CLVS1: variants seen among roughly 807,000 people sequenced by gnomAD.
CLVS1 encodes clavesin 1, also known as clavesin-1.
Under a neutral mutation model 33.1 loss-of-function variants are expected in CLVS1, and 10 were observed. That is an observed-to-expected ratio of 0.30 (90% CI 0.19 to 0.51). The LOEUF is 0.51. CLVS1 is among the 20% of genes least tolerant of loss of function. The pLI is 0.97. For synonymous variants in CLVS1, 163 were observed against 166.1 expected (o/e 0.98, Z 0.14); for missense variants, 343 against 433.4 (o/e 0.79, Z 1.85).
At chr8:61,192,187 C>G (rs1007281466) in intron 2 of CLVS1, among the ~76,000 whole-genome samples, 6 of 152,164 alleles carry the variant, frequency 3.9e-5, no homozygotes, top group East Asian at 1.9e-4. Context: ...AGATATAGAC[C>G]AATGGAACAG....
At chr8:61,455,822 C>T (rs952294120) in intron 4 of CLVS1, among the ~76,000 whole-genome samples, 9 of 152,148 alleles carry the variant, frequency 5.9e-5, no homozygotes, top group Non-Finnish European at 1.3e-4. Flanking sequence ...TTCCCCGCCA[C>T]CTCCCACACT....
the CLVS1 span, among the ~76,000 whole-genome samples, chr8:61,048,187 A>G: frequency 6.6e-6 from 1 of 152,316 alleles, no homozygotes; most frequent in East Asian, 1.9e-4. Flanking sequence ...AAAGGTAACA[A>G]GGGCTCAGAT....
In CLVS1 at chr8:61,408,523, A is replaced by G. The variant is rs550358428; in HGVS notation, c.630+31744A>G. Among the ~76,000 whole-genome samples, 19 of 152,286 alleles carry G rather than the reference A, an allele frequency of 1.2e-4. No homozygotes were observed. The South Asian group carries it at 3.7e-3, about 30-fold the overall frequency. ...GACCTGGAAATCAACCCACCAGGCC[A>G]GGGGACTGGGTTTTGTGTGCCTCTA... On this transcript the variant is annotated intron_variant, in intron 3 of 5. Transcript: ENST00000325897.
intron 5 of CLVS1, among the ~76,000 whole-genome samples, chr8:61,498,372 A>G (rs186822091): frequency 2.8e-4 from 42 of 152,352 alleles, no homozygotes; most frequent in Admixed American, 2.4e-3. Context: ...GAAAACTTGT[A>G]ATGTGTAGGG....
At chr8:61,160,818 C>T (rs1047747527) in intron 2 of CLVS1, among the ~76,000 whole-genome samples, 1 of 152,158 alleles carries the variant, frequency 6.6e-6, no homozygotes, top group African/African-American at 2.4e-5. Context: ...AGGCCTCAAC[C>T]TTGCCCCTGT....
intron 2 of CLVS1, among the ~76,000 whole-genome samples, chr8:61,352,810 T>A (rs1465636109): frequency 6.6e-6 from 1 of 151,900 alleles, no homozygotes; most frequent in Non-Finnish European, 1.5e-5. Flanking sequence ...CAATAAAAAA[T>A]AATACAAATA....
intron 1 of CLVS1, among the ~76,000 whole-genome samples, chr8:61,072,020 T>C (rs1804805665): frequency 6.6e-6 from 1 of 152,134 alleles, no homozygotes; most frequent in Admixed American, 6.5e-5. Flanking sequence ...GGCATCTGAG[T>C]CATGGAAAGA....
chr8:61,352,834 G>A (rs551597458), intron 2 of CLVS1, among the ~76,000 whole-genome samples: 9 of 151,852 alleles, frequency 5.9e-5, no homozygotes, highest in South Asian at 4.2e-4. Context: ...ACACCAACAC[G>A]GCATAACATT....
chr8:61,095,626 A>G (rs1482279886), intron 1 of CLVS1, among the ~76,000 whole-genome samples: 1 of 152,090 alleles, frequency 6.6e-6, no homozygotes, highest in Non-Finnish European at 1.5e-5. Flanking sequence ...ATCTTACACA[A>G]CTATGTATTT....
At chr8:60,970,292 C>T in the CLVS1 span, among the ~76,000 whole-genome samples, 2 of 152,204 alleles carry the variant, frequency 1.3e-5, no homozygotes, top group Admixed American at 1.3e-4. Flanking sequence ...CCCTGGAGCC[C>T]TCTGCTGAGC....
chr8:61,343,068 T>C (rs550246220), intron 2 of CLVS1, among the ~76,000 whole-genome samples: 1 of 152,334 alleles, frequency 6.6e-6, no homozygotes, highest in Admixed American at 6.5e-5. Context: ...GACTTCACTG[T>C]TCCACTCAAT....
the CLVS1 span, among the ~76,000 whole-genome samples, chr8:61,050,297 C>G: frequency 6.6e-6 from 1 of 152,190 alleles, no homozygotes. Flanking sequence ...GTTGTTGACT[C>G]ATCTCTTCAT....
chr8:61,414,614 G>A (rs1815360446), intron 3 of CLVS1, among the ~76,000 whole-genome samples: 1 of 152,168 alleles, frequency 6.6e-6, no homozygotes, highest in Admixed American at 6.5e-5. Context: ...CTCCCAGACT[G>A]TTATAAGGGA....
At chr8:61,014,766 G>A in the CLVS1 span, among the ~76,000 whole-genome samples, 59 of 152,314 alleles carry the variant, frequency 3.9e-4, no homozygotes, top group East Asian at 0.011. Context: ...TGATTGCAAA[G>A]GTCACTTTTT....
At chr8:61,051,965 T>G in the CLVS1 span, among the ~76,000 whole-genome samples, 1 of 152,222 alleles carries the variant, frequency 6.6e-6, no homozygotes, top group Non-Finnish European at 1.5e-5. Context: ...TGACCTCACC[T>G]TTGCTGGCTG....
At chr8:61,173,975 G>C (rs764438588) in intron 2 of CLVS1, among the ~76,000 whole-genome samples, 2 of 152,200 alleles carry the variant, frequency 1.3e-5, no homozygotes, top group Non-Finnish European at 2.9e-5. Context: ...ATTGGTTAGA[G>C]TGCTGATTGG....
chr8:61,029,693 C>T, the CLVS1 span, among the ~76,000 whole-genome samples: 1 of 152,016 alleles, frequency 6.6e-6, no homozygotes, highest in African/African-American at 2.4e-5. Flanking sequence ...TGGTTTGCTG[C>T]ACCCATCAAC....
chr8:61,081,106 A>G (rs1341272285), intron 1 of CLVS1, among the ~76,000 whole-genome samples: 2 of 152,194 alleles, frequency 1.3e-5, no homozygotes, highest in Non-Finnish European at 2.9e-5. Context: ...GGAATGTTGT[A>G]TTTAATTTGG....
the CLVS1 span, among the ~76,000 whole-genome samples, chr8:61,031,332 C>T: frequency 1.7e-3 from 252 of 152,348 alleles, no homozygotes; most frequent in African/African-American, 5.7e-3. Context: ...CAGGGTGGTG[C>T]TTGCAGAGCC....
Sources: gnomAD v4.1 joint callset for allele counts (sites outside exome capture counted in the v4.1 genomes callset) on GRCh38, gnomAD v4.1.1 for gene constraint, MANE v1.5 for transcripts, NCBI Gene and HGNC (gene_info 2026-07-23, HGNC 2026-07-21) for gene names.